RNF220: variants seen among roughly 807,000 people sequenced by gnomAD.
RNF220 encodes the protein E3 ubiquitin-protein ligase RNF220.
A neutral mutation model predicts 67.1 loss-of-function variants in RNF220; 7 were observed. The ratio of observed to expected loss-of-function variants is 0.10; its 90% CI spans 0.06 to 0.20. RNF220 has a LOEUF of 0.20. RNF220 is among the 10% of genes least tolerant of loss of function. The probability of loss-of-function intolerance (pLI) is 1.00; values close to 1 mark genes in which losing one functional copy is unlikely to be tolerated. For synonymous variants in RNF220, 270 were observed against 283.2 expected, an observed-to-expected ratio of 0.95 and a Z score of 0.47; for missense variants, 565 against 740.3, an observed-to-expected ratio of 0.76 and a Z score of 2.75.
intron 7 of RNF220, 46 bp from the exon 8 acceptor site, chr1:44,635,984 G>A (rs201037354): frequency 2.7e-5 from 43 of 1,613,630 alleles, no homozygotes; most frequent in Non-Finnish European, 3.6e-5. Flanking sequence ...TGGGGAGCAG[G>A]TGGGGATGGC....
intron 2 of RNF220, among the ~76,000 whole-genome samples, chr1:44,548,597 A>C (rs1460585665): frequency 6.6e-6 from 1 of 152,060 alleles, no homozygotes; most frequent in Non-Finnish European, 1.5e-5. Flanking sequence ...GGACTCAAGC[A>C]ATCCTCTTAC....
intron 2 of RNF220, among the ~76,000 whole-genome samples, chr1:44,533,540 A>G (rs1297046023): frequency 6.6e-6 from 1 of 152,222 alleles, no homozygotes; most frequent in African/African-American, 2.4e-5. Flanking sequence ...GTTCTCCCAA[A>G]CTATGGAATA....
At chr1:44,587,071 C>T (rs1665750492) in intron 2 of RNF220, among the ~76,000 whole-genome samples, 1 of 137,944 alleles carries the variant, frequency 7.2e-6, no homozygotes, top group Non-Finnish European at 1.5e-5. Context: ...CCCCCTAATT[C>T]CCAGTTCCTT....
At chr1:44,430,179 C>T (rs1057036404) in intron 2 of RNF220, among the ~76,000 whole-genome samples, 2 of 151,740 alleles carry the variant, frequency 1.3e-5, no homozygotes, top group African/African-American at 2.4e-5. Context: ...TGCTAGTTTC[C>T]CCTGGGAAGT....
At chr1:44,471,109 C>A (rs1356972271) in intron 2 of RNF220, among the ~76,000 whole-genome samples, 1 of 152,100 alleles carries the variant, frequency 6.6e-6, no homozygotes, top group Non-Finnish European at 1.5e-5. Flanking sequence ...AGATAAAATT[C>A]ACCATTTTAA....
chr1:44,581,524 G>A (rs894006622), intron 2 of RNF220, among the ~76,000 whole-genome samples: 5 of 152,210 alleles, frequency 3.3e-5, no homozygotes, highest in Non-Finnish European at 7.3e-5. Flanking sequence ...CCTCTGGCCA[G>A]GCAACCATGG....
chr1:44,474,488 C>T (rs1655116744), intron 2 of RNF220, among the ~76,000 whole-genome samples: 2 of 151,356 alleles, frequency 1.3e-5, no homozygotes, highest in Admixed American at 6.6e-5. Context: ...GAGGGAGAAT[C>T]GCTTAAGACC....
chr1:44,557,176 TTAATATA>T (rs1663172934), intron 2 of RNF220, among the ~76,000 whole-genome samples: 1 of 144,516 alleles, frequency 6.9e-6, no homozygotes, highest in African/African-American at 2.6e-5. Context: ...TATGTATATA[TTAATATA>T]TAATATATAT....
intron 2 of RNF220, among the ~76,000 whole-genome samples, chr1:44,480,033 C>T (rs1282914447): frequency 6.6e-6 from 1 of 152,306 alleles, no homozygotes; most frequent in East Asian, 1.9e-4. Context: ...TCCTTGCTGC[C>T]CACTTGCCTA....
rs1457621361 is a variant in RNF220 at position 44,621,566 on chromosome 1, C to G, written c.759-1176C>G. Among the ~76,000 whole-genome samples the G allele has an allele frequency of 6.6e-6, 1 of 152,204 alleles. No individual in the cohort carries two copies. Among genetic ancestry groups the G allele is most frequent in the African/African-American group, 2.4e-5 (1 of 41,454 alleles). On this transcript the variant is annotated intron_variant, in intron 3 of 14. Transcript: ENST00000361799. The surrounding 1 kb of genome is among the most constrained non-coding windows in gnomAD (Gnocchi z 4.8). The stretch of plus-strand genomic sequence containing the variant: ...GCTGGATGTCCCCTGTGCAGGTGAA[C>G]ATCCCTTCCCCTTCTCCCCTGTCCC...
intron 2 of RNF220, among the ~76,000 whole-genome samples, chr1:44,449,747 T>A (rs1441814164): frequency 2.0e-5 from 3 of 152,178 alleles, no homozygotes; most frequent in Non-Finnish European, 4.4e-5. Context: ...AGATTATGAT[T>A]CATTCAACAT....
intron 12 of RNF220, among the ~76,000 whole-genome samples, chr1:44,646,221 C>T (rs1211415078): frequency 6.6e-6 from 1 of 152,248 alleles, no homozygotes; most frequent in African/African-American, 2.4e-5. Context: ...ATTCCAGGGC[C>T]AGTGTTCCAT....
At position 44,611,853 on chromosome 1, in the gene RNF220, T is replaced by C. The variant is rs1329103013; in HGVS notation, c.626-2312T>C. The stretch of plus-strand genomic sequence containing the variant: ...GTTAAATGTTTGCTGAGTGAAAGAA[T>C]GAAGTAGTGAAATCAAAAGCCGAGT... On this transcript the variant is annotated intron_variant, in intron 2 of 14. Coordinates refer to ENST00000361799, the MANE Select transcript of RNF220 (RefSeq NM_018150.4). 2.0e-5 allele frequency among the ~76,000 whole-genome samples: 3 copies of C among 152,206 alleles called. 1 individual carries two copies. The highest frequency in any genetic ancestry group is 1.3e-4 in the Admixed American group (2 of 15,274).
chr1:44,543,008 G>T (rs993779732), intron 2 of RNF220, among the ~76,000 whole-genome samples: 2 of 152,168 alleles, frequency 1.3e-5, no homozygotes, highest in African/African-American at 4.8e-5. Context: ...TGCTAGGTGC[G>T]GTGAGCCCAG....
At chr1:44,493,365 T>G (rs1432711497) in intron 2 of RNF220, among the ~76,000 whole-genome samples, 1 of 151,784 alleles carries the variant, frequency 6.6e-6, no homozygotes, top group African/African-American at 2.4e-5. Context: ...AATACGAAAA[T>G]TAGCCAGGCA....
chr1:44,430,043 A>C (rs978146030), intron 2 of RNF220, among the ~76,000 whole-genome samples: 1 of 151,788 alleles, frequency 6.6e-6, no homozygotes, highest in Non-Finnish European at 1.5e-5. Flanking sequence ...TTAGAGCCGT[A>C]AGTGCTTATA....
intron 2 of RNF220, among the ~76,000 whole-genome samples, chr1:44,528,412 T>C (rs1218644859): frequency 6.6e-6 from 1 of 152,058 alleles, no homozygotes; most frequent in Non-Finnish European, 1.5e-5. Flanking sequence ...GCCATTCTCC[T>C]GCCTCAGCCT....
chr1:44,431,647 C>T (rs777401172), intron 2 of RNF220, among the ~76,000 whole-genome samples: 2 of 152,170 alleles, frequency 1.3e-5, no homozygotes, highest in African/African-American at 4.8e-5. Flanking sequence ...TTTTTCTCCA[C>T]TTAAGTTGGC....
At chr1:44,429,185 G>C (rs1164015993) in intron 2 of RNF220, among the ~76,000 whole-genome samples, 1 of 151,820 alleles carries the variant, frequency 6.6e-6, no homozygotes, top group East Asian at 1.9e-4. Context: ...AAAAAGCTGG[G>C]GGGAGTAATG....
Sources: allele counts gnomAD v4.1 joint callset (sites outside exome capture counted in the v4.1 genomes callset), GRCh38; gene constraint gnomAD v4.1.1; non-coding constraint Gnocchi (gnomAD v3.1); transcripts MANE v1.5; gene names NCBI Gene and HGNC (gene_info 2026-07-23, HGNC 2026-07-21).